ANK3: variants seen among roughly 807,000 people sequenced by gnomAD.
ANK3 encodes the protein ankyrin 3, also known as ankyrin-3.
A neutral mutation model predicts 370.9 loss-of-function variants in ANK3; 57 were observed. The observed-to-expected ratio is 0.15, with a 90% confidence interval of 0.12 to 0.19. ANK3 has a LOEUF of 0.19. Ranked by LOEUF, ANK3 falls within the 10% of genes least tolerant of loss-of-function variation. The probability of loss-of-function intolerance (pLI) is 1.00; values close to 1 mark genes in which losing one functional copy is unlikely to be tolerated. For synonymous variants in ANK3, 1,929 were observed against 1,946.3 expected (o/e 0.99, Z 0.23); for missense variants, 4,439 against 5,302.1 (o/e 0.84, Z 5.06).
intron 16 of ANK3, among the ~76,000 whole-genome samples, chr10:60,190,979 A>G (rs187402573): frequency 3.0e-4 from 45 of 152,282 alleles, no homozygotes; most frequent in African/African-American, 1.1e-3. Context: ...AAACAAACAC[A>G]GAGAAAAGGA....
intron 42 of ANK3, chr10:60,051,664 C>CTTTTTTTTTTTTTT: frequency 6.6e-6 from 1 of 151,186 alleles, no homozygotes; most frequent in Non-Finnish European, 1.1e-5. Flanking sequence ...ATGTTTTCTT[C>CTTTTTTTTTTTTTT]TTTTTTTTTT....
intron 23 of ANK3, among the ~76,000 whole-genome samples, chr10:60,157,353 T>A (rs1467160275): frequency 4.3e-5 from 6 of 138,990 alleles, no homozygotes; most frequent in Non-Finnish European, 6.3e-5. Flanking sequence ...TTTTTTTTTT[T>A]AAAGGGGTTC....
In ANK3 at chr10:60,128,601, G is replaced by A. The variant is rs529524112; in HGVS notation, c.2841+5670C>T. On this transcript the variant is annotated intron_variant, in intron 25 of 43. Coordinates refer to ENST00000280772, the MANE Select transcript of ANK3 (RefSeq NM_020987.5). ...TCACCATGTTGGCCAGGCTGGTCTC[G>A]AACTTCTGACCTCAAATGATCCACC... 3.3e-5 allele frequency among the ~76,000 whole-genome samples: 5 copies of A among 152,078 alleles called. No homozygotes were observed. The East Asian group carries it at 7.7e-4, about 24-fold the overall frequency.
chr10:60,373,667 C>A (rs570536873), intron 1 of ANK3, among the ~76,000 whole-genome samples: 1 of 152,118 alleles, frequency 6.6e-6, no homozygotes, highest in Non-Finnish European at 1.5e-5. Context: ...GGCAAGGTCA[C>A]GGAAGGCAAG....
intron 28 of ANK3, among the ~76,000 whole-genome samples, chr10:60,104,451 C>T (rs572355713): frequency 6.9e-6 from 1 of 145,736 alleles, no homozygotes; most frequent in South Asian, 2.2e-4. Flanking sequence ...CATTTGGACC[C>T]CAGCCTTACT....
At chr10:60,688,063 G>A (rs2079294560) in intron 1 of ANK3, among the ~76,000 whole-genome samples, 1 of 151,966 alleles carries the variant, frequency 6.6e-6, no homozygotes, top group South Asian at 2.1e-4. Flanking sequence ...TGGGAGGAGA[G>A]GAAAATGAAG....
intron 40 of ANK3, chr10:60,061,843 G>T (rs772835954): frequency 6.6e-6 from 1 of 151,890 alleles, no homozygotes; most frequent in Non-Finnish European, 1.5e-5. Context: ...AATATATGCA[G>T]AATTAGAAGT....
chr10:60,334,981 C>T (rs2052441488), intron 1 of ANK3, among the ~76,000 whole-genome samples: 1 of 151,984 alleles, frequency 6.6e-6, no homozygotes, highest in Non-Finnish European at 1.5e-5. Context: ...CTTTATACGA[C>T]CTTATATTTA....
chr10:60,733,298 AGGAGGAGGC>A lies in ANK3; in HGVS notation c.13_21del (p.Ala5_Ser7del), dbSNP rs752729808. 29 of 1,237,704 alleles carry A rather than the reference AGGAGGAGGC, an allele frequency of 2.3e-5. No individual in the cohort carries two copies. In the African/African-American group the frequency reaches 2.8e-4, roughly 12 times the overall value. 76.7% of individuals were successfully genotyped at this position (1,237,704 alleles called of 1,614,324 possible). ...GCGGAGTCCTCGGTGCCCGCGGGAGAGGAGGAGGCGGAGGAGGCCATGTTGTGGGGCTGC... is the reference window on the plus strand; with the variant it reads ...GCGGAGTCCTCGGTGCCCGCGGGAGAGGAGGAGGCCATGTTGTGGGGCTGC... On this transcript the variant is annotated inframe_deletion, in exon 1 of 44. Coordinates refer to the ANK3 transcript ENST00000373827.
intron 25 of ANK3, among the ~76,000 whole-genome samples, chr10:60,128,722 A>C (rs2093909537): frequency 6.6e-6 from 1 of 152,124 alleles, no homozygotes; most frequent in Non-Finnish European, 1.5e-5. Context: ...TTTCATAGGG[A>C]TATTGTGAAC....
intron 1 of ANK3, among the ~76,000 whole-genome samples, chr10:60,636,609 T>C (rs775858957): frequency 3.2e-4 from 48 of 152,222 alleles, no homozygotes; most frequent in Non-Finnish European, 5.6e-4. Context: ...CAGCAGATTC[T>C]GTGTTCAGCT....
At chr10:60,390,062 C>G (rs1164394346), upstream of ANK3, among the ~76,000 whole-genome samples, 1 of 152,134 alleles carries the variant, frequency 6.6e-6, no homozygotes, top group Non-Finnish European at 1.5e-5. Context: ...AATTTAACCC[C>G]TGATAGAATG....
At chr10:60,140,481 C>G in intron 23 of ANK3, 1 of 1,593,314 alleles carries the variant, frequency 6.3e-7, no homozygotes, top group South Asian at 1.2e-5. Context: ...TGGTTTGTAT[C>G]CACTCTCTTC....
intron 1 of ANK3, among the ~76,000 whole-genome samples, chr10:60,702,093 T>C (rs1042358719): frequency 4.0e-5 from 6 of 151,820 alleles, no homozygotes; most frequent in Non-Finnish European, 7.4e-5. Context: ...TCTCCATCTC[T>C]ACAAAAAAAA....
At chr10:60,053,104 T>TATTTTAAATTTTTCAGTAAAGGACAGTAA (rs2078420266) in intron 42 of ANK3, among the ~76,000 whole-genome samples, 1 of 152,216 alleles carries the variant, frequency 6.6e-6, no homozygotes, top group Non-Finnish European at 1.5e-5. Context: ...TTGCTATTAT[T>TATTTTAAATTTTTCAGTAAAGGACAGTAA]ATTTTAAATT....
rs1201407837 is a variant in ANK3, at chr10:60,705,833, T to C, written c.57+27430A>G. Among the ~76,000 whole-genome samples, 3 of 148,102 alleles carry C rather than the reference T, an allele frequency of 2.0e-5. No individual in the cohort carries two copies. The South Asian group carries it at 6.5e-4, about 32-fold the overall frequency. On this transcript the variant is annotated intron_variant, in intron 1 of 43. Transcript: ENST00000373827. ...GTTTTTTTTTTTCTTTCTTTTTTTT[T>C]TTTTTTTTTTGAGACAAAGTTTCAC...
intron 1 of ANK3, among the ~76,000 whole-genome samples, chr10:60,321,117 A>G (rs1039778598): frequency 6.6e-6 from 1 of 152,210 alleles, no homozygotes; most frequent in Admixed American, 6.6e-5. Context: ...TTGGCTGGGC[A>G]TGGTGGCTCA....
intron 1 of ANK3, among the ~76,000 whole-genome samples, chr10:60,346,961 AG>A (rs1555322377): frequency 6.1e-5 from 1 of 16,286 alleles, no homozygotes; most frequent in East Asian, 3.0e-3. Context: ...TTCATACATA[AG>A]AGTCTTTTAA....
intron 2 of ANK3, among the ~76,000 whole-genome samples, chr10:60,401,298 C>T: frequency 6.6e-6 from 1 of 152,246 alleles, no homozygotes; most frequent in Non-Finnish European, 1.5e-5. Context: ...GCACTAGAGA[C>T]TTGCTGTATA....
Sources: gnomAD v4.1 joint callset for allele counts (sites outside exome capture counted in the v4.1 genomes callset) on GRCh38, gnomAD v4.1.1 for gene constraint, MANE v1.5 for transcripts, NCBI Gene and HGNC (gene_info 2026-07-23, HGNC 2026-07-21) for gene names.